Variants in PCBP3 observed in about 807,000 individuals in gnomAD.
PCBP3 encodes the protein poly(rC) binding protein 3.
Under a neutral mutation model 52.7 loss-of-function variants are expected in PCBP3, and 25 were observed. That is an observed-to-expected ratio of 0.47 (90% CI 0.35 to 0.66). PCBP3 has a LOEUF of 0.66. Ranked by LOEUF, PCBP3 falls within the 30% of genes least tolerant of loss-of-function variation. The pLI, the probability that PCBP3 is intolerant of heterozygous loss-of-function variation, is 0.01. For synonymous variants in PCBP3, 162 were observed against 183.0 expected (o/e 0.89, Z 0.93); for missense variants, 391 against 490.3 (o/e 0.80, Z 1.91).
At chr21:45,646,254 C>T (rs916696062) in intron 1 of PCBP3, among the ~76,000 whole-genome samples, 5 of 151,700 alleles carry the variant, frequency 3.3e-5, no homozygotes, top group Admixed American at 1.3e-4. Flanking sequence ...TGAATGGGAG[C>T]GTGTCTTGAA....
intron 4 of PCBP3, among the ~76,000 whole-genome samples, chr21:45,757,358 T>G (rs1314576668): frequency 6.6e-6 from 1 of 152,262 alleles, no homozygotes; most frequent in Non-Finnish European, 1.5e-5. Context: ...GTTTTTTGCC[T>G]ACTTTTAAAT....
At chr21:45,935,861 C>T (rs2076839642) in intron 16 of PCBP3, among the ~76,000 whole-genome samples, 1 of 152,248 alleles carries the variant, frequency 6.6e-6, no homozygotes, top group African/African-American at 2.4e-5. Context: ...ACACACAGTC[C>T]TCCCCAGAGT....
chr21:45,840,124 G>T (rs537649991), intron 4 of PCBP3, among the ~76,000 whole-genome samples: 1 of 152,080 alleles, frequency 6.6e-6, no homozygotes, highest in Admixed American at 6.5e-5. Flanking sequence ...TTTAAGCTAA[G>T]TACTATAAAA....
intron 4 of PCBP3, among the ~76,000 whole-genome samples, chr21:45,815,055 T>C (rs1382370278): frequency 9.3e-6 from 1 of 107,272 alleles, no homozygotes; most frequent in Non-Finnish European, 1.9e-5. Flanking sequence ...GAGTGGTGAG[T>C]GTTGAGTGAG....
chr21:45,699,510 A>G (rs1352182620), intron 2 of PCBP3, among the ~76,000 whole-genome samples: 2 of 152,218 alleles, frequency 1.3e-5, no homozygotes, highest in East Asian at 3.8e-4. Flanking sequence ...AGAGTCACAT[A>G]TAGCTTGTCA....
At chr21:45,813,777 C>T (rs1385430891) in intron 4 of PCBP3, among the ~76,000 whole-genome samples, 2 of 152,222 alleles carry the variant, frequency 1.3e-5, no homozygotes, top group African/African-American at 4.8e-5. Flanking sequence ...TATAATAGCT[C>T]CTTTAAAAGT....
intron 8 of PCBP3, 85 bp downstream of exon 8, chr21:45,900,708 G>A: frequency 2.8e-6 from 3 of 1,068,444 alleles, no homozygotes; most frequent in Non-Finnish European, 4.4e-6. Context: ...CCGACGTCCT[G>A]CCTGTGCTCT....
chr21:45,899,291 G>C (rs756967827), intron 6 of PCBP3, among the ~76,000 whole-genome samples: 2 of 152,132 alleles, frequency 1.3e-5, no homozygotes, highest in Non-Finnish European at 2.9e-5. Flanking sequence ...CATGGGTGAT[G>C]CCCCCTGAGT....
Position 45,825,050 on chromosome 21 carries a change from C to T in PCBP3, c.-125-24911C>T, listed in dbSNP as rs7276037. ...GTGGGCAGCTGCAGAGAAGGGGCAC[C>T]CTGGTACCTGGCAGGGGGCCTCAGC... is the stretch of plus-strand genomic sequence containing the variant. On this transcript the variant is annotated intron_variant, in intron 4 of 17. Transcript: ENST00000681687. Among the ~76,000 whole-genome samples, 357 of 152,318 alleles carry T rather than the reference C, an allele frequency of 2.3e-3. 6 individuals are homozygous for T. Among genetic ancestry groups the T allele is most frequent in the African/African-American group, 8.0e-3 (332 of 41,574 alleles).
At chr21:45,706,957 T>G (rs1252327837) in intron 2 of PCBP3, among the ~76,000 whole-genome samples, 1 of 152,224 alleles carries the variant, frequency 6.6e-6, no homozygotes, top group Admixed American at 6.5e-5. Flanking sequence ...ACAGAAAATC[T>G]CTTGGTTATG....
chr21:45,908,463 A>G (rs566364676), intron 9 of PCBP3, among the ~76,000 whole-genome samples: 1 of 152,364 alleles, frequency 6.6e-6, no homozygotes, highest in African/African-American at 2.4e-5. Flanking sequence ...GTCCAGGCAC[A>G]CACTGGCCAA....
At chr21:45,645,976 C>T (rs916601794) in intron 1 of PCBP3, among the ~76,000 whole-genome samples, 1 of 152,082 alleles carries the variant, frequency 6.6e-6, no homozygotes, top group African/African-American at 2.4e-5. Flanking sequence ...TGTCTCAGCT[C>T]TCATCCCTGG....
In PCBP3 at chr21:45,853,835, C is replaced by T. The variant is rs1329008564; in HGVS notation, c.10+3740C>T. On this transcript the variant is annotated intron_variant, in intron 5 of 17. Transcript: ENST00000681687. This position sits in a 1 kb window ranked among gnomAD's most constrained non-coding sequence, Gnocchi z 4.6. ...GGCACTCGGTGTTTTAGAATGGGCT[C>T]CTGCGTGGTGGCAGTGGCAGGTGGT... 1 of 152,212 alleles carries T rather than the reference C, an allele frequency of 6.6e-6. No individual in the cohort carries two copies. The highest frequency in any genetic ancestry group is 1.9e-4 in the East Asian group (1 of 5,202). The allele number at this position is 152,212 out of a possible 1,614,324, so 9.4% of individuals were successfully genotyped here. A position where few individuals can be genotyped will look rare whatever the true frequency, so the allele number is the denominator to read the frequency against.
At chr21:45,755,731 G>A (rs995108434) in intron 4 of PCBP3, among the ~76,000 whole-genome samples, 3 of 152,148 alleles carry the variant, frequency 2.0e-5, no homozygotes, top group African/African-American at 7.2e-5. Flanking sequence ...CTTTGGCAAA[G>A]TGTCTGTTCA....
intron 5 of PCBP3, among the ~76,000 whole-genome samples, chr21:45,856,550 A>G (rs1410722509): frequency 1.3e-5 from 2 of 152,162 alleles, no homozygotes; most frequent in African/African-American, 4.8e-5. Context: ...CTTGTCCTTG[A>G]GTTCACAGGA....
At chr21:45,804,349 C>T (rs2092420211) in intron 4 of PCBP3, among the ~76,000 whole-genome samples, 1 of 152,084 alleles carries the variant, frequency 6.6e-6, no homozygotes, top group Non-Finnish European at 1.5e-5. Context: ...CCTCCTAGTG[C>T]CCACACCATC....
Position 45,919,839 on chromosome 21 carries a change from G to A in PCBP3, c.717+2210G>A, listed in dbSNP as rs567385340. 3.4e-4 allele frequency among the ~76,000 whole-genome samples: 17 copies of A among 50,076 alleles called. No homozygotes were observed. The East Asian group carries it at 4.8e-3, about 14-fold the overall frequency. The allele number at this position is 50,076 out of a possible 152,430, so 32.9% of individuals were successfully genotyped here. A position where few individuals can be genotyped will look rare whatever the true frequency, so the allele number is the denominator to read the frequency against. Reference sequence around the variant, plus strand: ...GGTGTGTGTGTGTGTGTGTGTGTGCGCGCGCGCGTGCGCGTCCCCGTGCAT... The same window carrying A: ...GGTGTGTGTGTGTGTGTGTGTGTGCACGCGCGCGTGCGCGTCCCCGTGCAT... On this transcript the variant is annotated intron_variant, in intron 13 of 17. Transcript: ENST00000681687.
At chr21:45,863,629 G>A (rs1264178911) in intron 5 of PCBP3, among the ~76,000 whole-genome samples, 1 of 152,240 alleles carries the variant, frequency 6.6e-6, no homozygotes, top group African/African-American at 2.4e-5. Context: ...CTCCCTCGGT[G>A]GAGAGCGAAG....
intron 5 of PCBP3, among the ~76,000 whole-genome samples, chr21:45,892,149 C>T (rs1034413456): frequency 6.6e-6 from 1 of 152,168 alleles, no homozygotes; most frequent in Non-Finnish European, 1.5e-5. Context: ...AGCAGGACCG[C>T]GGCGTCCTTC....
Sources: allele counts gnomAD v4.1 joint callset (sites outside exome capture counted in the v4.1 genomes callset), GRCh38; gene constraint gnomAD v4.1.1; non-coding constraint Gnocchi (gnomAD v3.1); transcripts MANE v1.5; gene names NCBI Gene and HGNC (gene_info 2026-07-23, HGNC 2026-07-21).